GRIA4: variants seen among roughly 807,000 people sequenced by gnomAD.
GRIA4 encodes glutamate receptor 4.
A neutral mutation model predicts 104.0 loss-of-function variants in GRIA4; 34 were observed. The observed-to-expected ratio is 0.33, with a 90% CI of 0.25 to 0.44. The LOEUF is 0.44. Among genes scored for constraint, GRIA4 ranks in the 20% least tolerant of loss-of-function variants. The probability of loss-of-function intolerance (pLI) is 1.00; values close to 1 mark genes in which losing one functional copy is unlikely to be tolerated. For synonymous variants in GRIA4, 386 were observed against 381.9 expected (o/e 1.01, Z -0.13); for missense variants, 750 against 1,096.5 (o/e 0.68, Z 4.46).
At position 105,634,513 on chromosome 11, in the gene GRIA4, G is replaced by GAAAGA. The variant is rs766783212; in HGVS notation, c.247+22081_247+22082insAGAAA. ...AGAAAGAAAGAAAGAAAGAAAGAAA[G>GAAAGA]AAGAAAGAAAGAAAGAAAAGAAAGA... On this transcript the variant is annotated intron_variant, in intron 3 of 16. Coordinates refer to ENST00000282499, the MANE Select transcript of GRIA4 (RefSeq NM_000829.4). 3.2e-4 allele frequency among the ~76,000 whole-genome samples: 22 copies of GAAAGA among 69,442 alleles called. 1 individual carries two copies. The East Asian group carries it at 5.1e-3, about 16-fold the overall frequency. The allele number at this position is 69,442 out of a possible 152,430, so 45.6% of individuals were successfully genotyped here.
chr11:105,810,621 G>A (rs191481512), intron 4 of GRIA4, among the ~76,000 whole-genome samples: 1 of 152,228 alleles, frequency 6.6e-6, no homozygotes, highest in Admixed American at 6.5e-5. Context: ...GGGTTAGGGG[G>A]AAAAGAAAAG....
intron 4 of GRIA4, among the ~76,000 whole-genome samples, chr11:105,788,013 T>C (rs964241264): frequency 6.6e-6 from 1 of 152,124 alleles, no homozygotes; most frequent in African/African-American, 2.4e-5. Flanking sequence ...TAGAAAGGCA[T>C]GTGGATTTAG....
At chr11:105,788,729 C>CT (rs1242537422) in intron 4 of GRIA4, among the ~76,000 whole-genome samples, 3 of 152,026 alleles carry the variant, frequency 2.0e-5, no homozygotes, top group Admixed American at 1.3e-4. Context: ...ACAACAGACA[C>CT]TGGGGACTCC....
chr11:105,781,100 A>G (rs1219319568), intron 4 of GRIA4, among the ~76,000 whole-genome samples: 1 of 152,220 alleles, frequency 6.6e-6, no homozygotes, highest in Non-Finnish European at 1.5e-5. Context: ...TCCTACATTC[A>G]AACTGCTAAT....
chr11:105,843,789 G>A (rs1276159706), intron 4 of GRIA4, among the ~76,000 whole-genome samples: 1 of 152,146 alleles, frequency 6.6e-6, no homozygotes, highest in Non-Finnish European at 1.5e-5. Context: ...GCCAGATAAG[G>A]ATGAGAAAAA....
At chr11:105,757,028 G>A (rs1273232829) in intron 4 of GRIA4, among the ~76,000 whole-genome samples, 1 of 152,080 alleles carries the variant, frequency 6.6e-6, no homozygotes, top group Non-Finnish European at 1.5e-5. Flanking sequence ...AGCTTCCTAT[G>A]GAAATTCTCA....
chr11:105,718,235 A>G (rs1437939902), intron 3 of GRIA4, among the ~76,000 whole-genome samples: 1 of 152,208 alleles, frequency 6.6e-6, no homozygotes, highest in Non-Finnish European at 1.5e-5. Flanking sequence ...ACACAAGTAT[A>G]TAGACTACAT....
intron 3 of GRIA4, among the ~76,000 whole-genome samples, chr11:105,705,405 A>T (rs139274126): frequency 9.2e-5 from 14 of 152,258 alleles, no homozygotes; most frequent in African/African-American, 3.1e-4. Context: ...AGGAGATAAA[A>T]CAAGAATAAA....
At chr11:105,878,473 C>T (rs1591385868) in intron 5 of GRIA4, among the ~76,000 whole-genome samples, 3 of 152,310 alleles carry the variant, frequency 2.0e-5, no homozygotes, top group Admixed American at 2.0e-4. Flanking sequence ...CTCTTCAGAG[C>T]CAGCAGGCAG....
intron 4 of GRIA4, among the ~76,000 whole-genome samples, chr11:105,755,496 G>C (rs1044162452): frequency 6.6e-6 from 1 of 152,052 alleles, no homozygotes; most frequent in Non-Finnish European, 1.5e-5. Flanking sequence ...TAGGAACCTA[G>C]AGTAATGAGT....
intron 4 of GRIA4, among the ~76,000 whole-genome samples, chr11:105,818,598 T>G (rs144284906): frequency 1.2e-4 from 19 of 152,294 alleles, no homozygotes; most frequent in African/African-American, 4.3e-4. Flanking sequence ...ATCCTCTAAA[T>G]AAAGCTTTTG....
chr11:105,952,395 C>T (rs1948476069), intron 14 of GRIA4, among the ~76,000 whole-genome samples: 1 of 152,066 alleles, frequency 6.6e-6, no homozygotes. Flanking sequence ...TTGACAAAAT[C>T]ATGAAGCTAA....
chr11:105,953,483 A>C (rs1674710040), intron 14 of GRIA4, among the ~76,000 whole-genome samples: 1 of 152,222 alleles, frequency 6.6e-6, no homozygotes, highest in African/African-American at 2.4e-5. Context: ...ATACGCATAG[A>C]ACTTTTGTGA....
intron 14 of GRIA4, among the ~76,000 whole-genome samples, chr11:105,963,085 G>A (rs1050526722): frequency 6.6e-6 from 1 of 152,048 alleles, no homozygotes; most frequent in Non-Finnish European, 1.5e-5. Flanking sequence ...GCGAGTATCT[G>A]CTTTCTACAC....
At position 105,630,427 on chromosome 11, in the gene GRIA4, G is replaced by C. The variant is rs373751173; in HGVS notation, c.247+17993G>C. 1.1e-3 allele frequency among the ~76,000 whole-genome samples: 166 copies of C among 152,200 alleles called. 2 individuals are homozygous for C. Among genetic ancestry groups the C allele is most frequent in the African/African-American group, 3.8e-3 (158 of 41,560 alleles). Reference sequence around the variant, plus strand: ...ACAAATACAAAAATTAGCCAGGCGTGGTGGCATGTGCCTGTAATCCCAGCT... The same window carrying C: ...ACAAATACAAAAATTAGCCAGGCGTCGTGGCATGTGCCTGTAATCCCAGCT... On this transcript the variant is annotated intron_variant, in intron 3 of 16. Coordinates refer to ENST00000282499, the MANE Select transcript of GRIA4 (RefSeq NM_000829.4).
chr11:105,904,429 T>G (rs570417268), intron 8 of GRIA4, among the ~76,000 whole-genome samples: 2 of 152,260 alleles, frequency 1.3e-5, no homozygotes, highest in Admixed American at 1.3e-4. Context: ...GTCCTGCCTA[T>G]TTACAACTCA....
At chr11:105,887,593 A>G (rs1311615846) in intron 6 of GRIA4, 21 bp downstream of exon 6, 12 of 1,118,954 alleles carry the variant, frequency 1.1e-5, no homozygotes, top group Middle Eastern at 4.2e-4. Flanking sequence ...CTTATTTTCT[A>G]CTTTTCATAA....
At chr11:105,896,095 A>G (rs1032443099) in intron 6 of GRIA4, among the ~76,000 whole-genome samples, 2 of 151,922 alleles carry the variant, frequency 1.3e-5, no homozygotes, top group African/African-American at 4.8e-5. Context: ...AACATCTGCT[A>G]TTTCTTGAGT....
At position 105,671,960 on chromosome 11, in the gene GRIA4, G is replaced by A. The variant is rs78260814; in HGVS notation, c.247+59526G>A. On this transcript the variant is annotated intron_variant, in intron 3 of 16. Transcript: ENST00000282499. ...TCAGGGGATTCTGAGTGCTGTTTCC[G>A]TTTGCTTTCACATTTCAGGGAATTC... Among the ~76,000 whole-genome samples the A allele has an allele frequency of 8.0e-3, 1,213 of 152,062 alleles. 15 individuals are homozygous for A. Among genetic ancestry groups the A allele is most frequent in the East Asian group, 0.044 (225 of 5,158 alleles).
Sources: allele counts gnomAD v4.1 joint callset (sites outside exome capture counted in the v4.1 genomes callset), GRCh38; gene constraint gnomAD v4.1.1; transcripts MANE v1.5; gene names NCBI Gene and HGNC (gene_info 2026-07-23, HGNC 2026-07-21).